Variants in YIPF7 observed in about 807,000 individuals in gnomAD.
The protein encoded by YIPF7 is protein YIPF7.
YIPF7 carries 35 observed loss-of-function variants against 27.2 expected under a neutral mutation model. The observed-to-expected ratio is 1.29, with a 90% CI of 0.98 to 1.70. The LOEUF (loss-of-function observed/expected upper bound fraction) is 1.70, where lower values mean the gene tolerates loss of function less well. YIPF7 is among the 40% of genes most tolerant of loss of function. YIPF7 has a pLI of 0.00. For synonymous variants in YIPF7, 137 were observed against 110.4 expected, an observed-to-expected ratio of 1.24 and a Z score of -1.51; for missense variants, 358 against 303.7, an observed-to-expected ratio of 1.18 and a Z score of -1.33.
chr4:44,643,214 A>G (rs534329695), intron 2 of YIPF7, among the ~76,000 whole-genome samples: 1 of 152,176 alleles, frequency 6.6e-6, no homozygotes, highest in Non-Finnish European at 1.5e-5. Flanking sequence ...AGTAAAAGTC[A>G]CTTTTTCTAT....
chr4:44,645,677 T>C (rs1192910378), intron 2 of YIPF7, among the ~76,000 whole-genome samples: 1 of 152,176 alleles, frequency 6.6e-6, no homozygotes, highest in Non-Finnish European at 1.5e-5. Flanking sequence ...AAATGTTAAC[T>C]GAATTAGATC....
chr4:44,650,298 T>C (rs1284474228), intron 1 of YIPF7, among the ~76,000 whole-genome samples, 197 bp from the exon 2 acceptor site: 4 of 152,206 alleles, frequency 2.6e-5, no homozygotes, highest in Admixed American at 1.3e-4. Context: ...GAATGTGTTA[T>C]CTTCAACTAC....
chr4:44,624,908 A>G, intron 4 of YIPF7, 126 bp from the exon 5 acceptor site: 1 of 826,330 alleles, frequency 1.2e-6, no homozygotes, highest in Non-Finnish European at 1.8e-6. Flanking sequence ...TAGGACTGTC[A>G]TCAGGAGACT....
chr4:44,643,616 C>T (rs1437449802), intron 2 of YIPF7, among the ~76,000 whole-genome samples: 1 of 152,156 alleles, frequency 6.6e-6, no homozygotes, highest in African/African-American at 2.4e-5. Context: ...CTTCCCATTA[C>T]AGGCTCAGAG....
chr4:44,658,134 C>T (rs1428156474), intron 2 of YIPF7, among the ~76,000 whole-genome samples: 1 of 152,122 alleles, frequency 6.6e-6, no homozygotes, highest in Non-Finnish European at 1.5e-5. Context: ...CTACCAAATC[C>T]ATACATTGAA....
intron 2 of YIPF7, among the ~76,000 whole-genome samples, chr4:44,657,455 T>C (rs16857321): frequency 0.026 from 3,957 of 152,192 alleles, 156 homozygotes; most frequent in African/African-American, 0.089. Flanking sequence ...GACTGTCTGG[T>C]TTAAAGTGTC....
chr4:44,658,008 C>A (rs1003740938), intron 2 of YIPF7, among the ~76,000 whole-genome samples: 5 of 151,980 alleles, frequency 3.3e-5, no homozygotes, highest in African/African-American at 1.2e-4. Flanking sequence ...CACTTGAGCC[C>A]AGGAGTTTGA....
At chr4:44,629,093 A>G (rs1712780314) in intron 4 of YIPF7, 1 of 209,476 alleles carries the variant, frequency 4.8e-6, no homozygotes, top group African/African-American at 2.3e-5. Context: ...TAGGCCTTAT[A>G]TCTCCCAAAT....
At chr4:44,633,395 G>C (rs897144401) in intron 3 of YIPF7, among the ~76,000 whole-genome samples, 5 of 152,100 alleles carry the variant, frequency 3.3e-5, no homozygotes, top group Admixed American at 2.0e-4. Context: ...TAGTAGAAAA[G>C]ATTACTTTCA....
Position 44,641,256 on chromosome 4 carries a change from G to A in YIPF7, c.117-5171C>T, listed in dbSNP as rs190584008. Among the ~76,000 whole-genome samples the A allele has an allele frequency of 1.2e-4, 18 of 151,952 alleles. No individual in the cohort carries two copies. The East Asian group carries it at 3.5e-3, about 29-fold the overall frequency. On this transcript the variant is annotated intron_variant, in intron 2 of 5. Transcript: ENST00000415895. The stretch of plus-strand genomic sequence containing the variant: ...TGTTGAATTCCAATGTTCTGCCTTG[G>A]ATAATATATTAGAAGTGTGATTGTC...
At chr4:44,649,089 A>G (rs566307088) in intron 2 of YIPF7, among the ~76,000 whole-genome samples, 7 of 152,240 alleles carry the variant, frequency 4.6e-5, no homozygotes, top group African/African-American at 1.7e-4. Context: ...AAAAACTATG[A>G]ATTTCATCGT....
At chr4:44,645,567 A>T (rs1713499716) in intron 2 of YIPF7, among the ~76,000 whole-genome samples, 1 of 152,186 alleles carries the variant, frequency 6.6e-6, no homozygotes, top group Non-Finnish European at 1.5e-5. Flanking sequence ...AGAAAATGTA[A>T]CTCTTCTCCT....
chr4:44,623,980 A>G (rs1442458078), intron 5 of YIPF7, among the ~76,000 whole-genome samples: 1 of 151,980 alleles, frequency 6.6e-6, no homozygotes, highest in African/African-American at 2.4e-5. Context: ...AAGTTCCTGT[A>G]GTTCTTATTT....
At chr4:44,654,358 G>A (rs1026948507), upstream of YIPF7, among the ~76,000 whole-genome samples, 1 of 151,918 alleles carries the variant, frequency 6.6e-6, no homozygotes, top group Non-Finnish European at 1.5e-5. Flanking sequence ...GCTGCATTAG[G>A]TGAATAAAGT....
At chr4:44,629,324 T>G in intron 4 of YIPF7, 79 bp downstream of exon 4, 1 of 1,334,768 alleles carries the variant, frequency 7.5e-7, no homozygotes, top group Non-Finnish European at 9.6e-7. Context: ...ACAGTTTCTC[T>G]TATATTTATA....
At chr4:44,653,653 A>C (rs1713805145), upstream of YIPF7, among the ~76,000 whole-genome samples, 1 of 152,148 alleles carries the variant, frequency 6.6e-6, no homozygotes, top group Non-Finnish European at 1.5e-5. Context: ...AGGAGGAAGA[A>C]GGAAAAGGCA....
rs572677371 is a variant in YIPF7, at chr4:44,641,844, G to A, written c.117-5759C>T. Among the ~76,000 whole-genome samples the A allele has an allele frequency of 5.9e-5, 9 of 152,234 alleles. No individual in the cohort carries two copies. The East Asian group carries it at 1.7e-3, about 29-fold the overall frequency. The stretch of plus-strand genomic sequence containing the variant: ...CTGCCAGAATGTATGGTGATTACCT[G>A]CTATTATTGTTCACTTAGCCATATG... On this transcript the variant is annotated intron_variant, in intron 2 of 5. Coordinates refer to ENST00000415895, the MANE Select transcript of YIPF7 (RefSeq NM_182592.3).
At chr4:44,632,257 G>T (rs571740185) in intron 3 of YIPF7, among the ~76,000 whole-genome samples, 7 of 152,194 alleles carry the variant, frequency 4.6e-5, no homozygotes, top group Admixed American at 2.0e-4. Flanking sequence ...AGATAAAACT[G>T]CTGTGAAATT....
At chr4:44,625,628 C>A (rs780575308) in intron 4 of YIPF7, among the ~76,000 whole-genome samples, 1 of 152,050 alleles carries the variant, frequency 6.6e-6, no homozygotes, top group Non-Finnish European at 1.5e-5. Context: ...TAGTAGTGTT[C>A]GGAGTACACT....
Sources: gnomAD v4.1 joint callset for allele counts (sites outside exome capture counted in the v4.1 genomes callset) on GRCh38, gnomAD v4.1.1 for gene constraint, MANE v1.5 for transcripts, NCBI Gene and HGNC (gene_info 2026-07-23, HGNC 2026-07-21) for gene names.